Variants in LANCL1 observed in about 807,000 individuals in gnomAD.
The protein encoded by LANCL1 is LanC like glutathione S-transferase 1.
LANCL1 carries 50 observed loss-of-function variants against 50.6 expected under a neutral mutation model. That is an observed-to-expected ratio of 0.99 (90% CI 0.79 to 1.25). The LOEUF (loss-of-function observed/expected upper bound fraction) is 1.25. Ranked by LOEUF, LANCL1 falls within the 50% of genes most tolerant of loss-of-function variation. LANCL1 has a pLI of 0.00. For missense variants in LANCL1, 532 were observed against 480.7 expected (o/e 1.11, Z -1.00); for synonymous variants, 188 against 178.6 (o/e 1.05, Z -0.42).
chr2:210,454,387 A>T (rs890932928), intron 4 of LANCL1, among the ~76,000 whole-genome samples: 2 of 152,206 alleles, frequency 1.3e-5, no homozygotes, highest in African/African-American at 4.8e-5. Context: ...AACGGATCCT[A>T]GACAAACTAA....
At chr2:210,444,082 C>G in intron 4 of LANCL1, among the ~76,000 whole-genome samples, 1 of 152,116 alleles carries the variant, frequency 6.6e-6, no homozygotes, top group Non-Finnish European at 1.5e-5. Context: ...GCACAGTTGG[C>G]AGAATTGGGC....
At chr2:210,447,440 GCAT>G (rs1247879772) in intron 4 of LANCL1, among the ~76,000 whole-genome samples, 2 of 152,248 alleles carry the variant, frequency 1.3e-5, no homozygotes, top group South Asian at 2.1e-4. Context: ...TGAAGAAACT[GCAT>G]CAACTAGTGG....
intron 5 of LANCL1, among the ~76,000 whole-genome samples, chr2:210,440,954 T>G (rs1693110225): frequency 6.6e-6 from 1 of 152,178 alleles, no homozygotes; most frequent in Admixed American, 6.5e-5. Context: ...GATCTTGAGC[T>G]CTTTGCATTA....
In LANCL1 at chr2:210,435,470, G is replaced by C; in HGVS notation, c.1051-11C>G. 1.9e-6 allele frequency: 3 copies of C among 1,609,042 alleles called. No individual in the cohort carries two copies. The highest frequency in any genetic ancestry group is 1.7e-6 in the Non-Finnish European group (2 of 1,175,588). On this transcript the variant is annotated splice_polypyrimidine_tract_variant and intron_variant, in intron 8 of 9. Transcript: ENST00000450366. ...GCACCATTCAGCAAACTGAAAATGA[G>C]ACCAAGTTAAATTAGTATAGTGATT...
chr2:210,466,026 A>C (rs563188153), intron 3 of LANCL1, among the ~76,000 whole-genome samples: 1 of 152,330 alleles, frequency 6.6e-6, no homozygotes, highest in East Asian at 1.9e-4. Flanking sequence ...TGAAGAGAAA[A>C]GATGAGCACC....
intron 4 of LANCL1, among the ~76,000 whole-genome samples, chr2:210,441,662 T>A (rs1424248140): frequency 3.9e-5 from 6 of 152,172 alleles, no homozygotes; most frequent in Non-Finnish European, 7.3e-5. Flanking sequence ...AATGAAAGAA[T>A]ACAAATGTAT....
In LANCL1 at chr2:210,476,680, G is replaced by A. The variant is rs949370690; in HGVS notation, c.-77C>T. On this transcript the variant is annotated 5_prime_UTR_variant, in exon 1 of 10. Coordinates refer to ENST00000450366, the MANE Select transcript of LANCL1 (RefSeq NM_006055.3). Reference sequence around the variant, plus strand: ...CACGCCCGCGACTTGAAGCAAGTGCGCCTCCCGCGTCCTGAAGCCCTTCTC... The same window carrying A: ...CACGCCCGCGACTTGAAGCAAGTGCACCTCCCGCGTCCTGAAGCCCTTCTC... 17 of 1,211,940 alleles carry A rather than the reference G, an allele frequency of 1.4e-5. No individual in the cohort carries two copies. The African/African-American group carries it at 1.4e-4, about 10-fold the overall frequency. 75.1% of individuals were successfully genotyped at this position (1,211,940 alleles called of 1,614,324 possible).
chr2:210,457,150 C>T (rs1693696951), intron 3 of LANCL1, among the ~76,000 whole-genome samples: 1 of 152,086 alleles, frequency 6.6e-6, no homozygotes, highest in African/African-American at 2.4e-5. Context: ...GTCTACATTC[C>T]CTGTCACAGA....
intron 4 of LANCL1, among the ~76,000 whole-genome samples, chr2:210,453,293 T>C (rs926470712): frequency 4.6e-5 from 7 of 152,176 alleles, no homozygotes; most frequent in Non-Finnish European, 1.0e-4. Flanking sequence ...TACACTAATA[T>C]TGATATTGTA....
chr2:210,439,998 C>A (rs999459582), intron 6 of LANCL1, among the ~76,000 whole-genome samples: 121 of 152,186 alleles, frequency 8.0e-4, no homozygotes, highest in African/African-American at 2.9e-3. Context: ...CTCTTCTGAT[C>A]TCTCCCAAGT....
At chr2:210,450,732 CTCA>C (rs1693488372) in intron 4 of LANCL1, among the ~76,000 whole-genome samples, 1 of 152,120 alleles carries the variant, frequency 6.6e-6, no homozygotes, top group Admixed American at 6.5e-5. Flanking sequence ...TGAAAAAAAG[CTCA>C]TCATCACTGG....
chr2:210,458,809 G>A (rs964229270), intron 3 of LANCL1, among the ~76,000 whole-genome samples: 2 of 152,122 alleles, frequency 1.3e-5, no homozygotes, highest in African/African-American at 4.8e-5. Flanking sequence ...TTCTCTGAAG[G>A]ACACTTAATG....
At chr2:210,437,970 A>G (rs1266559367) in intron 6 of LANCL1, 98 bp from the exon 7 acceptor site, 3 of 772,602 alleles carry the variant, frequency 3.9e-6, no homozygotes, top group Admixed American at 3.4e-5. Flanking sequence ...CTAAGGGGAA[A>G]TGGAAGGTCA....
In LANCL1 at chr2:210,441,408, G is replaced by A; in HGVS notation, c.443C>T (p.Pro148Leu). 2 of 1,611,378 alleles carry A rather than the reference G, an allele frequency of 1.2e-6. No homozygotes were observed. Among genetic ancestry groups the A allele is most frequent in the South Asian group, 1.1e-5 (1 of 90,722 alleles). The change falls in exon 5 of 10, where the codon CCA becomes CTA. Residue 148 changes from proline to leucine, a missense_variant. Transcript: ENST00000450366. ...TATTCGCCCATAGAGCATTTCATTT[G>A]GAGCATGAGGATCAATCTTATTTAG... ...IHLNKIDPHA[P>L]NEMLYGRIGY... is the part of the protein sequence containing the mutation.
intron 4 of LANCL1, among the ~76,000 whole-genome samples, chr2:210,443,301 C>T (rs894385305): frequency 7.2e-5 from 11 of 152,110 alleles, no homozygotes; most frequent in African/African-American, 2.7e-4. Context: ...AATGTCCTTG[C>T]TATTTTAGAT....
intron 8 of LANCL1, among the ~76,000 whole-genome samples, 183 bp from the exon 9 acceptor site, chr2:210,435,642 GC>G (rs780208529): frequency 8.7e-4 from 132 of 152,180 alleles, no homozygotes; most frequent in Non-Finnish European, 6.0e-4. Flanking sequence ...AATTTAATGA[GC>G]TGTCTGAGTC....
intron 9 of LANCL1, among the ~76,000 whole-genome samples, 200 bp from the exon 10 acceptor site, chr2:210,434,763 G>A (rs902034078): frequency 2.6e-5 from 4 of 152,016 alleles, no homozygotes; most frequent in Admixed American, 6.6e-5. Flanking sequence ...GAGGGTGGGG[G>A]TGTCCTCTTG....
intron 6 of LANCL1, among the ~76,000 whole-genome samples, chr2:210,439,952 C>T (rs1693073906): frequency 6.6e-6 from 1 of 152,172 alleles, no homozygotes; most frequent in African/African-American, 2.4e-5. Flanking sequence ...AGGAGAGCTT[C>T]GTAAGTCTCC....
At chr2:210,452,685 C>T (rs772592730) in intron 4 of LANCL1, among the ~76,000 whole-genome samples, 3 of 152,218 alleles carry the variant, frequency 2.0e-5, no homozygotes, top group East Asian at 3.9e-4. Context: ...TATAGGGAAA[C>T]ACTGATTTCC....
Sources: allele counts gnomAD v4.1 joint callset (sites outside exome capture counted in the v4.1 genomes callset), GRCh38; gene constraint gnomAD v4.1.1; transcripts MANE v1.5; gene names NCBI Gene and HGNC (gene_info 2026-07-23, HGNC 2026-07-21).